VASP: variants seen among roughly 807,000 people sequenced by gnomAD.
VASP encodes the protein vasodilator-stimulated phosphoprotein.
VASP carries 27 observed loss-of-function variants against 54.4 expected under a neutral mutation model. That is an observed-to-expected ratio of 0.50 (90% CI 0.37 to 0.68). The LOEUF is 0.68. Ranked by LOEUF, VASP falls within the 30% of genes least tolerant of loss-of-function variation. The pLI is 0.00. For synonymous variants in VASP, 233 were observed against 209.8 expected (o/e 1.11, Z -0.96); for missense variants, 488 against 528.3 (o/e 0.92, Z 0.75).
In VASP at chr19:45,521,329, G is replaced by A; in HGVS notation, c.351G>A (p.Gly117=). The change falls in exon 4 of 13, where the codon GGG becomes GGA. Residue 117 remains glycine, a synonymous_variant. Coordinates refer to ENST00000245932, the MANE Select transcript of VASP (RefSeq NM_003370.4). ...ASALEALEGG[G]PPPPPALPTW... ...TTCTCTCTCACCTTTCAGGAGGTGG[G>A]CCCCCTCCACCCCCAGCACTTCCCA... The A allele has an allele frequency of 1.3e-6, 2 of 1,575,758 alleles. No individual in the cohort carries two copies. Among genetic ancestry groups the A allele is most frequent in the South Asian group, 2.3e-5 (2 of 85,964 alleles).
chr19:45,526,386 T>A lies in VASP; in HGVS notation c.*209T>A. The A allele has an allele frequency of 1.8e-6, 1 of 564,256 alleles. No individual in the cohort carries two copies. Among genetic ancestry groups the A allele is most frequent in the Non-Finnish European group, 3.0e-6 (1 of 335,846 alleles). The allele number at this position is 564,256 out of a possible 1,614,324, so 35.0% of individuals were successfully genotyped here. On this transcript the variant is annotated 3_prime_UTR_variant, in exon 13 of 13. Transcript: ENST00000245932. Reference sequence around the variant, plus strand: ...TGATTGGCTGGGGAGGCCCCCGCCCTTTTCTCCCTTTGGTCCTTCCCCTCT... The same window carrying A: ...TGATTGGCTGGGGAGGCCCCCGCCCATTTCTCCCTTTGGTCCTTCCCCTCT...
Position 45,526,267 on chromosome 19 carries a change from G to A in VASP, c.*90G>A, listed in dbSNP as rs1968967196. 1.2e-5 allele frequency: 17 copies of A among 1,470,364 alleles called. No individual in the cohort carries two copies. The East Asian group carries it at 3.8e-4, about 33-fold the overall frequency. 91.1% of individuals were successfully genotyped at this position (1,470,364 alleles called of 1,614,324 possible). A position where few individuals can be genotyped will look rare whatever the true frequency, so the allele number is the denominator to read the frequency against. ...GCCTCTACTTGACTTGGAATTGGCT[G>A]AAGACTACACAGGAATGCATCGTTC... On this transcript the variant is annotated 3_prime_UTR_variant, in exon 13 of 13. Coordinates refer to ENST00000245932, the MANE Select transcript of VASP (RefSeq NM_003370.4).
At chr19:45,517,892 G>A (rs368761779) in intron 2 of VASP, 37 bp from the exon 3 acceptor site, 362 of 1,537,024 alleles carry the variant, frequency 2.4e-4, no homozygotes, top group Non-Finnish European at 3.0e-4. Context: ...CCACCCCTGC[G>A]CCCGCCGCCC....
Position 45,522,502 on chromosome 19 carries a change from A to G in VASP, c.641A>G (p.Gln214Arg). The change falls in exon 6 of 13, where the codon CAG (glutamine) becomes CGG (arginine). Residue 214 changes from glutamine (Q) to arginine (R), a missense_variant. Gln to Arg is a conservative substitution (Grantham distance 43). Transcript: ENST00000245932. ...PPPAPPLPAA[Q>R]GPGGGGAGAP... ...CCTGCACCCCCTCTCCCGGCAGCAC[A>G]GGGCCCTGGTGGTGGGGGAGCTGGG... 6.9e-7 allele frequency: 1 copy of G among 1,458,784 alleles called. No individual in the cohort carries two copies. 90.4% of individuals were successfully genotyped at this position (1,458,784 alleles called of 1,614,324 possible).
chr19:45,525,695 CAA>C (rs546240891), intron 11 of VASP: 192 of 320,910 alleles, frequency 6.0e-4, no homozygotes, highest in South Asian at 9.0e-4. Flanking sequence ...GACTCTGTTT[CAA>C]AAAAAAAAAG....
chr19:45,515,781 A>C lies in VASP; in HGVS notation c.6-1882A>C, dbSNP rs1428793728. On this transcript the variant is annotated intron_variant, in intron 1 of 12. Transcript: ENST00000245932. ...TCGAACACCTGAGCTCAAGCGATCCATTCACCTCAGCTTCCCAACATGCTG... is the reference window on the plus strand; with the variant it reads ...TCGAACACCTGAGCTCAAGCGATCCCTTCACCTCAGCTTCCCAACATGCTG... Among the ~76,000 whole-genome samples the C allele has an allele frequency of 2.0e-5, 3 of 152,122 alleles. No homozygotes were observed. In the East Asian group the frequency reaches 5.8e-4, roughly 30 times the overall value.
chr19:45,509,911 C>T (rs1461843842), intron 1 of VASP, among the ~76,000 whole-genome samples: 1 of 152,120 alleles, frequency 6.6e-6, no homozygotes, highest in Admixed American at 6.6e-5. Context: ...TGGGGACAGT[C>T]CTGGGGGCAG....
intron 9 of VASP, 82 bp from the exon 10 acceptor site, chr19:45,524,015 G>T: frequency 1.9e-6 from 3 of 1,610,916 alleles, no homozygotes; most frequent in Non-Finnish European, 2.5e-6. Flanking sequence ...CTTTGATCAG[G>T]GGCTGATGAG....
chr19:45,513,529 T>C (rs1038952319), intron 1 of VASP, among the ~76,000 whole-genome samples: 1 of 144,848 alleles, frequency 6.9e-6, no homozygotes, highest in African/African-American at 2.6e-5. Context: ...TGGAGTGCAG[T>C]GGTCTGAGAT....
At position 45,507,660 on chromosome 19, in the gene VASP, C is replaced by G; in HGVS notation, c.-112C>G. 7.1e-7 allele frequency: 1 copy of G among 1,404,588 alleles called. No individual in the cohort carries two copies. Among genetic ancestry groups the G allele is most frequent in the Non-Finnish European group, 9.6e-7 (1 of 1,042,952 alleles). The allele number at this position is 1,404,588 out of a possible 1,614,324, so 87.0% of individuals were successfully genotyped here. On this transcript the variant is annotated 5_prime_UTR_variant, in exon 1 of 13. Transcript: ENST00000245932. This position sits in a 1 kb window ranked among gnomAD's most constrained non-coding sequence, Gnocchi z 4.4. ...GAAGCCGGACTCTATGGGGCGGGACCCTGGGGGAGCCTGAGCCGAGCCCGG... is the reference window on the plus strand; with the variant it reads ...GAAGCCGGACTCTATGGGGCGGGACGCTGGGGGAGCCTGAGCCGAGCCCGG...
intron 1 of VASP, 134 bp from the exon 2 acceptor site, chr19:45,517,526 CCTT>C (rs1467780817): frequency 7.6e-6 from 8 of 1,053,322 alleles, no homozygotes; most frequent in African/African-American, 3.2e-5. Flanking sequence ...TCCCCCGTCT[CCTT>C]CTGTCCACGT....
At chr19:45,522,862 C>T in intron 7 of VASP, 44 bp downstream of exon 7, 1 of 1,558,016 alleles carries the variant, frequency 6.4e-7, no homozygotes, top group Non-Finnish European at 8.7e-7. Flanking sequence ...AGTTCCAGTT[C>T]AGTAGGGCCC....
intron 1 of VASP, among the ~76,000 whole-genome samples, chr19:45,508,046 CT>C (rs1055643305): frequency 6.6e-6 from 1 of 151,736 alleles, no homozygotes; most frequent in South Asian, 2.1e-4. Context: ...ATTGTTAAGA[CT>C]TTTTTTAGAG....
intron 7 of VASP, 119 bp from the exon 8 acceptor site, chr19:45,523,525 T>G: frequency 8.6e-7 from 1 of 1,157,512 alleles, no homozygotes; most frequent in Non-Finnish European, 1.2e-6. Context: ...AAACTAGAGT[T>G]TCCTTAGGTT....
chr19:45,512,275 A>G (rs1413102657), intron 1 of VASP, among the ~76,000 whole-genome samples: 1 of 150,202 alleles, frequency 6.7e-6, no homozygotes, highest in Non-Finnish European at 1.5e-5. Context: ...GTGCAGATAT[A>G]TTTATATATG....
At chr19:45,519,115 A>G (rs937874673) in intron 3 of VASP, among the ~76,000 whole-genome samples, 1 of 152,146 alleles carries the variant, frequency 6.6e-6, no homozygotes, top group African/African-American at 2.4e-5. Context: ...CCCGGGTTCA[A>G]GCGATTCTCC....
chr19:45,510,386 C>T (rs916783969), intron 1 of VASP, among the ~76,000 whole-genome samples: 18 of 151,970 alleles, frequency 1.2e-4, no homozygotes, highest in Admixed American at 4.6e-4. Context: ...CCACCATGCC[C>T]GGCTAATTTT....
At position 45,517,985 on chromosome 19, in the gene VASP, C is replaced by T. The variant is rs1246976283; in HGVS notation, c.234C>T (p.Asn78=). Residue 78 remains asparagine (N), a synonymous_variant, in exon 3 of 13, where the codon AAC becomes AAT. Transcript: ENST00000245932. ...TCAAGTATAACCAGGCCACCCCCAACTTCCATCAGTGGCGCGACGCTCGCC... is the reference window on the plus strand; with the variant it reads ...TCAAGTATAACCAGGCCACCCCCAATTTCCATCAGTGGCGCGACGCTCGCC... ...RGVKYNQATP[N]FHQWRDARQV... is the part of the protein sequence containing the mutation. 1.2e-6 allele frequency: 2 copies of T among 1,613,836 alleles called. No individual in the cohort carries two copies. Among genetic ancestry groups the T allele is most frequent in the Admixed American group, 1.7e-5 (1 of 60,010 alleles).
At chr19:45,512,812 A>G (rs946189570) in intron 1 of VASP, among the ~76,000 whole-genome samples, 13 of 148,776 alleles carry the variant, frequency 8.7e-5, no homozygotes, top group Non-Finnish European at 1.6e-4. Context: ...TGTTGCCCAG[A>G]CTGGTCTCAA....
Sources: allele counts gnomAD v4.1 joint callset (sites outside exome capture counted in the v4.1 genomes callset), GRCh38; gene constraint gnomAD v4.1.1; non-coding constraint Gnocchi (gnomAD v3.1); transcripts MANE v1.5; gene names NCBI Gene and HGNC (gene_info 2026-07-23, HGNC 2026-07-21).